Variants in ATP2B2 observed in about 807,000 individuals in gnomAD.
ATP2B2 encodes the protein ATPase plasma membrane Ca2+ transporting 2, also known as plasma membrane calcium-transporting ATPase 2.
In ATP2B2, 15 loss-of-function variants were observed where a neutral mutation model predicts 120.0. The ratio of observed to expected loss-of-function variants is 0.12; its 90% CI spans 0.08 to 0.19. ATP2B2 has a LOEUF of 0.19. Among genes scored for constraint, ATP2B2 ranks in the 10% least tolerant of loss-of-function variants. The pLI, the probability that ATP2B2 is intolerant of heterozygous loss-of-function variation, is 1.00. For missense variants in ATP2B2, 1,045 were observed against 1,719.8 expected (o/e 0.61, Z 6.94); for synonymous variants, 694 against 700.3 (o/e 0.99, Z 0.14).
At chr3:10,362,595 A>C (rs761683554) in intron 12 of ATP2B2, among the ~76,000 whole-genome samples, 3 of 152,170 alleles carry the variant, frequency 2.0e-5, no homozygotes, top group Non-Finnish European at 2.9e-5. Context: ...TAGAGTGAGG[A>C]AGAACTGCAG....
At position 10,358,686 on chromosome 3, in the gene ATP2B2, C is replaced by T. The variant is rs761402525; in HGVS notation, c.2136+5G>A. The T allele has an allele frequency of 1.9e-6, 3 of 1,613,960 alleles. No homozygotes were observed. The highest frequency in any genetic ancestry group is 1.7e-5 in the Admixed American group (1 of 60,008). ...TTCCCTGAGCTCGCTGGCCCTGGGG[C>T]CTACCTCTGGCCGCACCGGGTCCTC... is the stretch of plus-strand genomic sequence containing the variant. On this transcript the variant is annotated splice_donor_5th_base_variant and intron_variant, in intron 14 of 22. Coordinates refer to ENST00000360273, the MANE Select transcript of ATP2B2 (RefSeq NM_001001331.4).
intron 1 of ATP2B2, among the ~76,000 whole-genome samples, chr3:10,647,432 G>A (rs989417168): frequency 6.6e-6 from 1 of 152,188 alleles, no homozygotes; most frequent in Non-Finnish European, 1.5e-5. Context: ...AAGCATCTAG[G>A]TTCAAAACTT....
chr3:10,378,541 C>A (rs902436583), intron 9 of ATP2B2, 131 bp from the exon 10 acceptor site: 63 of 1,242,968 alleles, frequency 5.1e-5, no homozygotes, highest in Non-Finnish European at 6.8e-5. Context: ...TGGACTGAGC[C>A]CCGCATGGCT....
rs531257239 is a variant in ATP2B2, at chr3:10,566,821, A to C, written c.-414-32688T>G. Among the ~76,000 whole-genome samples, 16 of 152,348 alleles carry C rather than the reference A, an allele frequency of 1.1e-4. No individual in the cohort carries two copies. The East Asian group carries it at 3.1e-3, about 29-fold the overall frequency. On this transcript the variant is annotated intron_variant, in intron 2 of 21. Transcript: ENST00000646379. The stretch of plus-strand genomic sequence containing the variant: ...GGTGAAGTTCTGAACAAAATGAAGG[A>C]CAGTTTTCCATCAATTTCCTTGATT...
At chr3:10,668,479 G>C (rs1559512649) in intron 1 of ATP2B2, among the ~76,000 whole-genome samples, 1 of 152,180 alleles carries the variant, frequency 6.6e-6, no homozygotes, top group South Asian at 2.1e-4. Flanking sequence ...TATCCACCAG[G>C]TCACTTTAAA....
At chr3:10,405,888 G>C (rs1221112873) in intron 3 of ATP2B2, among the ~76,000 whole-genome samples, 1 of 152,172 alleles carries the variant, frequency 6.6e-6, no homozygotes, top group African/African-American at 2.4e-5. Flanking sequence ...TCTGGCACTG[G>C]GGGAGCTGTC....
chr3:10,340,696 T>C lies in ATP2B2; in HGVS notation c.2926A>G (p.Met976Val). 6.2e-7 allele frequency: 1 copy of C among 1,613,916 alleles called. No individual in the cohort carries two copies. The highest frequency in any genetic ancestry group is 8.5e-7 in the Non-Finnish European group (1 of 1,179,886). The change falls in exon 20 of 23, where the codon ATG becomes GTG. Residue 976 changes from methionine to valine, a missense_variant. By Grantham distance (21) the Met-to-Val change is conservative. This residue lies in a region of ATP2B2 where 211 missense variants were observed against 385.1 expected (regional missense o/e 0.55). Coordinates refer to ENST00000360273, the MANE Select transcript of ATP2B2 (RefSeq NM_001001331.4). The surrounding 1 kb of genome is among the most constrained non-coding windows in gnomAD (Gnocchi z 5.0). ...TTCCTCCCGCTGTCGATCTGGAACA[T>C]CTTCTCGCCTGCCAAGTGAGAGAGT... is the stretch of plus-strand genomic sequence containing the variant. ...IFTLLFVGEKMFQIDSGRNAP... is the reference protein window; with the variant it reads ...IFTLLFVGEKVFQIDSGRNAP...
chr3:10,594,571 G>A (rs2068718308), intron 2 of ATP2B2, among the ~76,000 whole-genome samples: 1 of 135,888 alleles, frequency 7.4e-6, no homozygotes, highest in East Asian at 2.7e-4. Flanking sequence ...CTGTTGTGGG[G>A]TGGGGGGAGG....
chr3:10,681,720 T>G (rs898601195), intron 1 of ATP2B2, among the ~76,000 whole-genome samples: 2 of 152,192 alleles, frequency 1.3e-5, no homozygotes, highest in Admixed American at 1.3e-4. Context: ...GTCCTATTAT[T>G]ATTAGGCCCA....
chr3:10,538,963 A>G (rs2067375956), intron 2 of ATP2B2, among the ~76,000 whole-genome samples: 1 of 152,208 alleles, frequency 6.6e-6, no homozygotes, highest in Non-Finnish European at 1.5e-5. Flanking sequence ...ACATGGCTGT[A>G]TATTTAGAAA....
chr3:10,656,722 A>G (rs2070638573), intron 1 of ATP2B2, among the ~76,000 whole-genome samples: 1 of 152,362 alleles, frequency 6.6e-6, no homozygotes, highest in Admixed American at 6.5e-5. Context: ...CAGTCTGATG[A>G]CTAGAGATGT....
intron 2 of ATP2B2, among the ~76,000 whole-genome samples, chr3:10,595,225 C>A (rs1309431012): frequency 6.6e-6 from 1 of 152,212 alleles, no homozygotes; most frequent in African/African-American, 2.4e-5. Flanking sequence ...GTAAGTGGGC[C>A]TTTAGTTACA....
chr3:10,463,099 G>A (rs2125243431), intron 1 of ATP2B2, among the ~76,000 whole-genome samples: 1 of 152,260 alleles, frequency 6.6e-6, no homozygotes, highest in East Asian at 1.9e-4. Context: ...CAACTTCTCT[G>A]TGAAGTTCTC....
At chr3:10,674,226 C>T (rs1265033894) in intron 1 of ATP2B2, among the ~76,000 whole-genome samples, 1 of 152,168 alleles carries the variant, frequency 6.6e-6, no homozygotes, top group Non-Finnish European at 1.5e-5. Context: ...TACTCTCTAC[C>T]TGGTTGGTCC....
At chr3:10,529,186 C>G (rs2067160092) in intron 3 of ATP2B2, among the ~76,000 whole-genome samples, 2 of 152,210 alleles carry the variant, frequency 1.3e-5, no homozygotes, top group Admixed American at 6.5e-5. Flanking sequence ...TCAGACCACC[C>G]AGGAAGGACA....
intron 1 of ATP2B2, among the ~76,000 whole-genome samples, chr3:10,624,028 C>T (rs969089595): frequency 6.6e-6 from 1 of 152,180 alleles, no homozygotes; most frequent in Non-Finnish European, 1.5e-5. Flanking sequence ...CTGGGGAGCA[C>T]TAGTCTTTCA....
At chr3:10,681,291 C>T (rs6778749) in intron 1 of ATP2B2, among the ~76,000 whole-genome samples, 110,222 of 152,162 alleles carry the variant, frequency 0.72, 39,982 homozygotes, top group Non-Finnish European at 0.75. Flanking sequence ...AGCAGCTCCA[C>T]GCTTGGGGGT....
At chr3:10,695,837 TAC>T (rs1286969017) in intron 1 of ATP2B2, among the ~76,000 whole-genome samples, 1 of 152,214 alleles carries the variant, frequency 6.6e-6, no homozygotes, top group East Asian at 1.9e-4. Flanking sequence ...CTAATAGTGA[TAC>T]AGCAGTGCAG....
intron 1 of ATP2B2, among the ~76,000 whole-genome samples, chr3:10,491,688 A>G (rs2065941118): frequency 6.6e-6 from 1 of 151,918 alleles, no homozygotes; most frequent in African/African-American, 2.4e-5. Flanking sequence ...CTAAGTGACA[A>G]AATAAAGCTG....
Sources: gnomAD v4.1 joint callset for allele counts (sites outside exome capture counted in the v4.1 genomes callset) on GRCh38, gnomAD v4.1.1 for gene constraint, gnomAD v4.1.1 regional missense constraint, Gnocchi (gnomAD v3.1) non-coding constraint, MANE v1.5 for transcripts, NCBI Gene and HGNC (gene_info 2026-07-23, HGNC 2026-07-21) for gene names.